CSN3: variants seen among roughly 807,000 people sequenced by gnomAD.
CSN3 encodes the protein casein kappa.
Under a neutral mutation model 9.9 loss-of-function variants are expected in CSN3, and 7 were observed. That is an observed-to-expected ratio of 0.71 (90% confidence interval 0.40 to 1.33). CSN3 has a LOEUF of 1.33. Ranked by LOEUF, CSN3 falls within the 40% of genes most tolerant of loss-of-function variation. The pLI is 0.01. For synonymous variants in CSN3, 88 were observed against 82.3 expected, an observed-to-expected ratio of 1.07 and a Z score of -0.37; for missense variants, 253 against 227.9, an observed-to-expected ratio of 1.11 and a Z score of -0.71.
At chr4:70,238,954 A>G (rs1172219879), upstream of CSN3, among the ~76,000 whole-genome samples, 1 of 151,818 alleles carries the variant, frequency 6.6e-6, no homozygotes, top group East Asian at 1.9e-4. Flanking sequence ...GATAATTTGG[A>G]GATGTCTATT....
At chr4:70,246,671 CTTTTT>C (rs11293109) in intron 2 of CSN3, among the ~76,000 whole-genome samples, 1 of 125,470 alleles carries the variant, frequency 8.0e-6, no homozygotes, top group Non-Finnish European at 1.6e-5. Flanking sequence ...CATATTACTT[CTTTTT>C]TTTTTTTTTT....
At chr4:70,247,176 AT>A (rs1381545880) in intron 2 of CSN3, among the ~76,000 whole-genome samples, 1 of 152,132 alleles carries the variant, frequency 6.6e-6, no homozygotes, top group Non-Finnish European at 1.5e-5. Context: ...AAAATATTTA[AT>A]ATTATACCTC....
intron 1 of CSN3, among the ~76,000 whole-genome samples, chr4:70,243,347 G>T (rs1730309673): frequency 1.3e-5 from 2 of 152,078 alleles, no homozygotes; most frequent in African/African-American, 4.8e-5. Context: ...AATCCTAAAA[G>T]ATCACTAGCA....
upstream of CSN3, among the ~76,000 whole-genome samples, chr4:70,241,053 T>C (rs528687496): frequency 6.6e-6 from 1 of 152,146 alleles, no homozygotes; most frequent in Non-Finnish European, 1.5e-5. Context: ...ACTTGTAAAT[T>C]AAATAATTCA....
chr4:70,247,892 A>T (rs1476132628), intron 3 of CSN3, 42 bp downstream of exon 3: 2 of 1,509,692 alleles, frequency 1.3e-6, no homozygotes, highest in African/African-American at 2.8e-5. Flanking sequence ...CATGAACTAC[A>T]AAATATATTC....
At chr4:70,238,782 T>C (rs188282347), upstream of CSN3, among the ~76,000 whole-genome samples, 476 of 151,836 alleles carry the variant, frequency 3.1e-3, 2 homozygotes, top group African/African-American at 0.011. Context: ...TTCTAACAGG[T>C]TGTTGCAGGG....
At chr4:70,239,273 C>T (rs1427379913), upstream of CSN3, among the ~76,000 whole-genome samples, 1 of 151,740 alleles carries the variant, frequency 6.6e-6, no homozygotes, top group Non-Finnish European at 1.5e-5. Flanking sequence ...AAAAATGAAT[C>T]ACCAAGCCAA....
At chr4:70,250,683 A>G (rs1195971002) in intron 4 of CSN3, among the ~76,000 whole-genome samples, 3 of 152,174 alleles carry the variant, frequency 2.0e-5, no homozygotes, top group Non-Finnish European at 4.4e-5. Flanking sequence ...TAGGGATAAA[A>G]ACCAGTAGGA....
At chr4:70,249,586 C>A in intron 4 of CSN3, 93 bp downstream of exon 4, 1 of 799,404 alleles carries the variant, frequency 1.3e-6, no homozygotes, top group Non-Finnish European at 1.9e-6. Flanking sequence ...AATAGATAAA[C>A]TAAGTGTGTT....
intron 1 of CSN3, chr4:70,243,322 A>G (rs1730308781): frequency 5.2e-6 from 1 of 191,420 alleles, no homozygotes; most frequent in Admixed American, 6.5e-5. Flanking sequence ...CATCATAAAA[A>G]CATTTTCAGT....
At chr4:70,246,071 G>GA (rs11411323) in intron 2 of CSN3, among the ~76,000 whole-genome samples, 34,116 of 147,198 alleles carry the variant, frequency 0.23, 4,070 homozygotes, top group Non-Finnish European at 0.27. Context: ...CAAATATACA[G>GA]AAAAAAAAAA....
intron 4 of CSN3, among the ~76,000 whole-genome samples, chr4:70,249,922 A>G (rs1214467608): frequency 6.6e-6 from 1 of 152,154 alleles, no homozygotes; most frequent in Non-Finnish European, 1.5e-5. Flanking sequence ...ATTCTCTTGC[A>G]CTCTCATTGT....
chr4:70,241,917 A>T (rs2109692502), upstream of CSN3, among the ~76,000 whole-genome samples: 1 of 152,126 alleles, frequency 6.6e-6, no homozygotes, highest in East Asian at 1.9e-4. Context: ...TATGGGTTTG[A>T]CTTTTATAAG....
upstream of CSN3, among the ~76,000 whole-genome samples, chr4:70,240,726 A>G (rs1730257355): frequency 6.6e-6 from 1 of 151,988 alleles, no homozygotes; most frequent in African/African-American, 2.4e-5. Flanking sequence ...TAAATTTTAG[A>G]CTATGAGGTC....
At chr4:70,244,325 C>T (rs1457983378) in intron 1 of CSN3, among the ~76,000 whole-genome samples, 8 of 152,032 alleles carry the variant, frequency 5.3e-5, no homozygotes, top group Admixed American at 1.3e-4. Context: ...AGACTTTCTC[C>T]TCTACTTGAA....
chr4:70,241,088 C>T (rs1237101815), upstream of CSN3, among the ~76,000 whole-genome samples: 1 of 151,968 alleles, frequency 6.6e-6, no homozygotes, highest in Non-Finnish European at 1.5e-5. Flanking sequence ...ATCATTATCA[C>T]TCTTATTACT....
intron 3 of CSN3, 76 bp from the exon 4 acceptor site, chr4:70,248,921 CA>C: frequency 9.5e-7 from 1 of 1,057,948 alleles, no homozygotes; most frequent in Non-Finnish European, 1.4e-6. Flanking sequence ...TATATTATTT[CA>C]AAAAATGCAG....
intron 4 of CSN3, among the ~76,000 whole-genome samples, chr4:70,250,084 A>C (rs1730454056): frequency 6.6e-6 from 1 of 152,228 alleles, no homozygotes; most frequent in Non-Finnish European, 1.5e-5. Context: ...CTTGAAAAAC[A>C]CATAAATATT....
At chr4:70,247,178 A>G (rs1730394605) in intron 2 of CSN3, among the ~76,000 whole-genome samples, 1 of 152,150 alleles carries the variant, frequency 6.6e-6, no homozygotes, top group African/African-American at 2.4e-5. Context: ...AATATTTAAT[A>G]TTATACCTCC....
Sources: gnomAD v4.1 joint callset for allele counts (sites outside exome capture counted in the v4.1 genomes callset) on GRCh38, gnomAD v4.1.1 for gene constraint, MANE v1.5 for transcripts, NCBI Gene and HGNC (gene_info 2026-07-23, HGNC 2026-07-21) for gene names.